The following CDH1 variants were observed in gnomAD, a reference collection of about 807,000 sequenced individuals.
The protein encoded by CDH1 is cadherin-1.
CDH1 carries 35 observed loss-of-function variants against 84.5 expected under a neutral mutation model. That is an observed-to-expected ratio of 0.41 (90% CI 0.32 to 0.55). The LOEUF (loss-of-function observed/expected upper bound fraction) is 0.55, where lower values mean the gene tolerates loss of function less well. Ranked by LOEUF, CDH1 falls within the 20% of genes least tolerant of loss-of-function variation. The pLI, the probability that CDH1 is intolerant of heterozygous loss-of-function variation, is 0.19. For synonymous variants in CDH1, 417 were observed against 439.0 expected, an observed-to-expected ratio of 0.95 and a Z score of 0.63; for missense variants, 994 against 1,126.6, an observed-to-expected ratio of 0.88 and a Z score of 1.68.
At chr16:68,748,637 GAT>G (rs1048050703) in intron 2 of CDH1, among the ~76,000 whole-genome samples, 18 of 152,180 alleles carry the variant, frequency 1.2e-4, no homozygotes, top group Non-Finnish European at 2.2e-4. Flanking sequence ...GTATCTGGAA[GAT>G]GAATTTCCAT....
intron 2 of CDH1, among the ~76,000 whole-genome samples, chr16:68,776,314 C>T (rs1344080048): frequency 6.6e-6 from 1 of 152,168 alleles, no homozygotes. Context: ...AATGTAGTAG[C>T]AGGTAACAAG....
At chr16:68,741,102 T>C (rs1034956721) in intron 2 of CDH1, among the ~76,000 whole-genome samples, 1 of 151,726 alleles carries the variant, frequency 6.6e-6, no homozygotes, top group African/African-American at 2.4e-5. Context: ...CTGGGACTGG[T>C]GATTTAGTGG....
intron 2 of CDH1, among the ~76,000 whole-genome samples, chr16:68,794,260 C>T (rs1960293700): frequency 6.6e-6 from 1 of 151,996 alleles, no homozygotes; most frequent in African/African-American, 2.4e-5. Context: ...AGGGTGGTCT[C>T]AAACTCCTGG....
rs2152141590 is a variant in CDH1 at position 68,828,298 on chromosome 16, G to A, written c.2289G>A (p.Glu763=). ...YYYDEEGGGE[E]DQDFDLSQLH... ...ATGATGAAGAAGGAGGCGGAGAAGA[G>A]GACCAGGTGGGTTTTGAAAACCTTG... The change falls in exon 14 of 16, where the codon GAG becomes GAA. Residue 763 remains glutamate, a synonymous_variant. Transcript: ENST00000261769. The A allele has an allele frequency of 6.2e-7, 1 of 1,614,082 alleles. No individual in the cohort carries two copies. Among genetic ancestry groups the A allele is most frequent in the Non-Finnish European group, 8.5e-7 (1 of 1,179,960 alleles).
chr16:68,737,554 C>G, intron 1 of CDH1, 91 bp downstream of exon 1: 1 of 1,067,176 alleles, frequency 9.4e-7, no homozygotes, highest in Non-Finnish European at 1.4e-6. Context: ...GTCGTCACCG[C>G]TTCCCTTCTT....
At chr16:68,751,016 G>A (rs1417768698) in intron 2 of CDH1, among the ~76,000 whole-genome samples, 1 of 152,058 alleles carries the variant, frequency 6.6e-6, no homozygotes, top group Non-Finnish European at 1.5e-5. Context: ...ATTCCCAAAA[G>A]AGAAGTTTCA....
At chr16:68,811,305 G>A (rs993648661) in intron 6 of CDH1, among the ~76,000 whole-genome samples, 12 of 150,700 alleles carry the variant, frequency 8.0e-5, no homozygotes, top group African/African-American at 2.7e-4. Flanking sequence ...GCTGAAGCAG[G>A]AGAATTGCTT....
chr16:68,832,093 T>C (rs759947212), intron 15 of CDH1, among the ~76,000 whole-genome samples: 1 of 151,952 alleles, frequency 6.6e-6, no homozygotes, highest in African/African-American at 2.4e-5. Flanking sequence ...TGAGAACTCA[T>C]GGACACAAAG....
chr16:68,822,743 A>G (rs1961193840), intron 12 of CDH1: 1 of 267,838 alleles, frequency 3.7e-6, no homozygotes, highest in Non-Finnish European at 7.3e-6. Context: ...CTTCTTCCAC[A>G]AATTGGCCAA....
chr16:68,835,216 C>G lies in CDH1; in HGVS notation c.*1717C>G. ...GGGTAGTGAGGATCTTGATTTGGATCTCTTTTTATTTAAATGTGAATTTCA... is the reference window on the plus strand; with the variant it reads ...GGGTAGTGAGGATCTTGATTTGGATGTCTTTTTATTTAAATGTGAATTTCA... On this transcript the variant is annotated 3_prime_UTR_variant, in exon 16 of 16. Coordinates refer to ENST00000261769, the MANE Select transcript of CDH1 (RefSeq NM_004360.5). 4.3e-6 allele frequency: 1 copy of G among 230,634 alleles called. No individual in the cohort carries two copies. The highest frequency in any genetic ancestry group is 8.6e-6 in the Non-Finnish European group (1 of 116,476). The allele number at this position is 230,634 out of a possible 1,614,324, so 14.3% of individuals were successfully genotyped here.
chr16:68,813,964 T>C (rs1448854085), intron 9 of CDH1, among the ~76,000 whole-genome samples: 2 of 151,430 alleles, frequency 1.3e-5, no homozygotes, highest in East Asian at 2.0e-4. Context: ...AGGCCGGGCG[T>C]GGTGGCTCAC....
chr16:68,828,147 C>A (rs1283070803), intron 13 of CDH1, 27 bp from the exon 14 acceptor site: 1 of 1,613,166 alleles, frequency 6.2e-7, no homozygotes, highest in Non-Finnish European at 8.5e-7. Flanking sequence ...GCTCTCAACA[C>A]TTGCTCTGTC....
At position 68,808,776 on chromosome 16, in the gene CDH1, T is replaced by C. The variant is rs1198167315; in HGVS notation, c.615T>C (p.Phe205=). ...QGADTPPVGV[F]IIERETGWLK... ...CTGACACACCCCCTGTTGGTGTCTT[T>C]ATTATTGAAAGAGAAACAGGATGGC... The change falls in exon 5 of 16, where the codon TTT becomes TTC. Residue 205 remains phenylalanine (F), a synonymous_variant. Coordinates refer to ENST00000261769, the MANE Select transcript of CDH1 (RefSeq NM_004360.5). 1 of 1,614,156 alleles carries C rather than the reference T, an allele frequency of 6.2e-7. No individual in the cohort carries two copies. Among genetic ancestry groups the C allele is most frequent in the South Asian group, 1.1e-5 (1 of 91,078 alleles).
rs569086883 is a variant in CDH1, at chr16:68,823,534, C to T, written c.2072C>T (p.Ala691Val). ...GTCAGCGTGTGTGACTGTGAAGGGG[C>T]CGCTGGCGTCTGTAGGAAGGCACAG... Reference protein sequence around the residue: ...LEVSVCDCEGAAGVCRKAQPV... With the variant: ...LEVSVCDCEGVAGVCRKAQPV... Residue 691 changes from alanine to valine, a missense_variant, in exon 13 of 16, where the codon GCC (alanine) becomes GTC (valine). This residue lies in a region of CDH1 where 769 missense variants were observed against 881.8 expected (regional missense o/e 0.87). Transcript: ENST00000261769. 6.2e-7 allele frequency: 1 copy of T among 1,613,966 alleles called. No individual in the cohort carries two copies. Among genetic ancestry groups the T allele is most frequent in the East Asian group, 2.2e-5 (1 of 44,886 alleles).
chr16:68,810,419 A>G (rs2152131340), intron 6 of CDH1, 78 bp downstream of exon 6: 1 of 1,406,018 alleles, frequency 7.1e-7, no homozygotes, highest in Non-Finnish European at 1.0e-6. Context: ...TCCAAGCCCA[A>G]AGGTTGTGTA....
chr16:68,816,895 C>G (rs1236108170), intron 10 of CDH1, among the ~76,000 whole-genome samples: 1 of 152,136 alleles, frequency 6.6e-6, no homozygotes, highest in Non-Finnish European at 1.5e-5. Flanking sequence ...AAGTCAAAGA[C>G]AATAATGTAG....
chr16:68,777,530 T>A (rs1005922675), intron 2 of CDH1, among the ~76,000 whole-genome samples: 1 of 133,966 alleles, frequency 7.5e-6, no homozygotes, highest in Non-Finnish European at 1.6e-5. Flanking sequence ...AAAGGTAATG[T>A]TTCCTTTTTT....
At chr16:68,753,535 C>T (rs932861077) in intron 2 of CDH1, among the ~76,000 whole-genome samples, 1 of 151,762 alleles carries the variant, frequency 6.6e-6, no homozygotes, top group Non-Finnish European at 1.5e-5. Context: ...CACGGGGTTT[C>T]ACCGTGTTAC....
In CDH1 at chr16:68,834,700, T is replaced by C. The variant is rs1961592246; in HGVS notation, c.*1201T>C. 4.3e-6 allele frequency: 1 copy of C among 234,698 alleles called. No individual in the cohort carries two copies. The highest frequency in any genetic ancestry group is 8.4e-6 in the Non-Finnish European group (1 of 118,954). 14.5% of individuals were successfully genotyped at this position (234,698 alleles called of 1,614,324 possible). On this transcript the variant is annotated 3_prime_UTR_variant, in exon 16 of 16. Transcript: ENST00000261769. The stretch of plus-strand genomic sequence containing the variant: ...TGGCTTCCCTCTTTCATCTCCTGAG[T>C]ATGTAACTTGCAATGGGCAGCTATC...
Sources: gnomAD v4.1 joint callset for allele counts (sites outside exome capture counted in the v4.1 genomes callset) on GRCh38, gnomAD v4.1.1 for gene constraint, gnomAD v4.1.1 regional missense constraint, MANE v1.5 for transcripts, NCBI Gene and HGNC (gene_info 2026-07-23, HGNC 2026-07-21) for gene names.